NPEPL1: variants seen among roughly 807,000 people sequenced by gnomAD.
NPEPL1 encodes aminopeptidase like 1.
In NPEPL1, 45 loss-of-function variants were observed where a neutral mutation model predicts 52.4. The observed-to-expected ratio is 0.86, with a 90% confidence interval of 0.68 to 1.10. NPEPL1 has a LOEUF of 1.10. Among genes scored for constraint, NPEPL1 ranks in the 50% least tolerant of loss-of-function variants. The pLI is 0.00. For missense variants in NPEPL1, 696 were observed against 710.9 expected, an observed-to-expected ratio of 0.98 and a Z score of 0.24; for synonymous variants, 360 against 314.7, an observed-to-expected ratio of 1.14 and a Z score of -1.52.
intron 6 of NPEPL1, among the ~76,000 whole-genome samples, chr20:58,705,722 C>G (rs899461830): frequency 6.6e-6 from 1 of 152,232 alleles, no homozygotes; most frequent in Non-Finnish European, 1.5e-5. Context: ...CTGGCTCCAC[C>G]TGCAATTGGG....
intron 6 of NPEPL1, 143 bp downstream of exon 6, chr20:58,701,301 G>A (rs1205638377): frequency 5.0e-6 from 1 of 200,746 alleles, no homozygotes; most frequent in Non-Finnish European, 8.1e-6. Context: ...GCTCTCCAGG[G>A]TGCCCTGGGG....
At chr20:58,697,026 G>C (rs1400010817) in intron 3 of NPEPL1, among the ~76,000 whole-genome samples, 1 of 152,202 alleles carries the variant, frequency 6.6e-6, no homozygotes, top group East Asian at 1.9e-4. Flanking sequence ...CCCCACCCAG[G>C]ACCCTGTCCC....
At chr20:58,699,411 C>G in intron 5 of NPEPL1, 133 bp downstream of exon 5, 1 of 719,044 alleles carries the variant, frequency 1.4e-6, no homozygotes, top group Non-Finnish European at 2.3e-6. Context: ...AAGGAATCAG[C>G]CTGTGTCCAA....
At chr20:58,697,117 T>C (rs2084509820) in intron 3 of NPEPL1, among the ~76,000 whole-genome samples, 1 of 152,238 alleles carries the variant, frequency 6.6e-6, no homozygotes, top group Non-Finnish European at 1.5e-5. Context: ...CTTGACTCCC[T>C]TGGACGTCTC....
chr20:58,692,674 C>T, upstream of NPEPL1: 1 of 348,882 alleles, frequency 2.9e-6, no homozygotes, highest in Non-Finnish European at 4.0e-6. This position sits in a 1 kb window ranked among gnomAD's most constrained non-coding sequence, Gnocchi z 5.7. Flanking sequence ...TCGGGCCTGC[C>T]CGGCCGGGCC....
chr20:58,695,977 A>G (rs1472255672), intron 3 of NPEPL1, among the ~76,000 whole-genome samples: 1 of 151,946 alleles, frequency 6.6e-6, no homozygotes, highest in Non-Finnish European at 1.5e-5. Context: ...CATCCCCTTC[A>G]TGGCCTCTCC....
intron 3 of NPEPL1, among the ~76,000 whole-genome samples, chr20:58,695,166 G>A (rs2084453817): frequency 2.4e-5 from 1 of 41,494 alleles, no homozygotes; most frequent in Admixed American, 2.5e-4. Flanking sequence ...TGTGTGGTGT[G>A]TGCATGTGTG....
intron 5 of NPEPL1, among the ~76,000 whole-genome samples, chr20:58,699,952 C>T (rs897568058): frequency 3.3e-5 from 5 of 152,246 alleles, no homozygotes; most frequent in East Asian, 3.9e-4. Context: ...CCTGGTGCAG[C>T]GTCTCTGCCT....
intron 7 of NPEPL1, 22 bp from the exon 8 acceptor site, chr20:58,712,457 C>T (rs1313009700): frequency 1.9e-6 from 3 of 1,568,580 alleles, no homozygotes; most frequent in Non-Finnish European, 2.6e-6. Context: ...CAACTGGAGC[C>T]TCTGCCCACT....
rs2084750360 is a variant in NPEPL1, at chr20:58,707,105, C to T, written c.823-18C>T. The T allele has an allele frequency of 7.1e-6, 11 of 1,550,500 alleles. No individual in the cohort carries two copies. The highest frequency in any genetic ancestry group is 9.6e-6 in the Non-Finnish European group (11 of 1,146,792). ...CTCACAGCTCACCTTTGTCCTGGTC[C>T]CTTTGTACCACCCGCAGACTACCAT... On this transcript the variant is annotated intron_variant, in intron 6 of 11. Coordinates refer to ENST00000356091, the MANE Select transcript of NPEPL1 (RefSeq NM_024663.4).
intron 2 of NPEPL1, 118 bp from the exon 3 acceptor site, chr20:58,694,302 ATC>A (rs1373514647): frequency 1.3e-4 from 134 of 1,037,150 alleles, no homozygotes; most frequent in Non-Finnish European, 2.6e-5. Flanking sequence ...GCTGTGGGAC[ATC>A]TCTGTCTAGA....
rs200631845 is a variant in NPEPL1 at position 58,693,747 on chromosome 20, C to G, written c.161C>G (p.Ala54Gly). Reference sequence around the variant, plus strand: ...TCCCTTCTGATCTAGCTCTGGCAGGCTGCCCTGAGCACGCTCAACCCCAAC... The same window carrying G: ...TCCCTTCTGATCTAGCTCTGGCAGGGTGCCCTGAGCACGCTCAACCCCAAC... ...QPRVTEELWQAALSTLNPNPT... is the reference protein window; with the variant it reads ...QPRVTEELWQGALSTLNPNPT... The change falls in exon 2 of 12, where the codon GCT (alanine) becomes GGT (glycine). Residue 54 changes from alanine to glycine, a missense_variant. Ala to Gly is a moderately conservative substitution (Grantham distance 60, BLOSUM62 0). Coordinates refer to ENST00000356091, the MANE Select transcript of NPEPL1 (RefSeq NM_024663.4). The G allele has an allele frequency of 2.5e-4, 394 of 1,604,952 alleles. No homozygotes were observed. The African/African-American group carries it at 4.6e-3, about 19-fold the overall frequency.
chr20:58,705,390 G>A (rs2084717514), intron 6 of NPEPL1: 2 of 445,422 alleles, frequency 4.5e-6, no homozygotes, highest in Non-Finnish European at 9.1e-6. Context: ...TGAGTCACAC[G>A]GAATATGGAA....
intron 7 of NPEPL1, among the ~76,000 whole-genome samples, chr20:58,708,199 C>G (rs1394582061): frequency 6.6e-6 from 1 of 152,204 alleles, no homozygotes; most frequent in Non-Finnish European, 1.5e-5. Flanking sequence ...AATGGAAAAA[C>G]AAAAAGGCCT....
At position 58,692,960 on chromosome 20, in the gene NPEPL1, G is replaced by T; in HGVS notation, c.60G>T (p.Arg20=). ...ASAGDSDPQS[R]PLLLLGQLHH... Reference sequence around the variant, plus strand: ...CGGGGGACTCGGACCCACAGAGCCGGCCCCTGCTGCTGCTCGGGCAGCTGC... The same window carrying T: ...CGGGGGACTCGGACCCACAGAGCCGTCCCCTGCTGCTGCTCGGGCAGCTGC... The change falls in exon 1 of 12, where the codon CGG becomes CGT. Residue 20 remains arginine (R), a synonymous_variant. Transcript: ENST00000356091. This position sits in a 1 kb window ranked among gnomAD's most constrained non-coding sequence, Gnocchi z 5.7. The T allele has an allele frequency of 8.4e-7, 1 of 1,189,556 alleles. No homozygotes were observed. Among genetic ancestry groups the T allele is most frequent in the Non-Finnish European group, 1.1e-6 (1 of 941,470 alleles). 73.7% of individuals were successfully genotyped at this position (1,189,556 alleles called of 1,614,324 possible).
chr20:58,699,351 G>A lies in NPEPL1; in HGVS notation c.679+73G>A, dbSNP rs774850317. 2.5e-5 allele frequency: 28 copies of A among 1,140,978 alleles called. 1 individual carries two copies. Among genetic ancestry groups the A allele is most frequent in the South Asian group, 7.5e-5 (5 of 67,004 alleles). The allele number at this position is 1,140,978 out of a possible 1,614,324, so 70.7% of individuals were successfully genotyped here. A position where few individuals can be genotyped will look rare whatever the true frequency, so the allele number is the denominator to read the frequency against. On this transcript the variant is annotated intron_variant, in intron 5 of 11. Coordinates refer to ENST00000356091, the MANE Select transcript of NPEPL1 (RefSeq NM_024663.4). ...AGGGGCACTTGGGTGGCAGGGGGTC[G>A]GCGGGCCACATGGCACATTGTCCCA...
chr20:58,713,609 A>C lies in NPEPL1; in HGVS notation c.1125+66A>C. The C allele has an allele frequency of 3.1e-5, 46 of 1,486,870 alleles. No individual in the cohort carries two copies. The highest frequency in any genetic ancestry group is 3.7e-5 in the Non-Finnish European group (41 of 1,114,168). 92.1% of individuals were successfully genotyped at this position (1,486,870 alleles called of 1,614,324 possible). ...GGAACCCCACCCCACTCTTGACCTC[A>C]AGGTGGGGAAGGCAGCGCGTGGGGG... On this transcript the variant is annotated intron_variant, in intron 9 of 11. Coordinates refer to ENST00000356091, the MANE Select transcript of NPEPL1 (RefSeq NM_024663.4). The surrounding 1 kb of genome is among the most constrained non-coding windows in gnomAD (Gnocchi z 4.6).
rs1396559022 is a variant in NPEPL1, at chr20:58,714,032, G to A, written c.1241G>A (p.Cys414Tyr). 3 of 1,538,794 alleles carry A rather than the reference G, an allele frequency of 1.9e-6. No individual in the cohort carries two copies. Among genetic ancestry groups the A allele is most frequent in the Non-Finnish European group, 2.6e-6 (3 of 1,143,820 alleles). ...CGDLVHPLVY[C>Y]PELHFSEFTS... ...GACCTGGTGCACCCGCTGGTCTACT[G>A]CCCCGAGCTGCACTTCAGCGAGTTC... Residue 414 changes from cysteine (C) to tyrosine (Y), a missense_variant, in exon 10 of 12, where the codon TGC (cysteine) becomes TAC (tyrosine). Physicochemically the swap from Cys to Tyr is radical, Grantham distance 194. Transcript: ENST00000356091.
intron 1 of NPEPL1, 67 bp from the exon 2 acceptor site, chr20:58,693,670 G>A (rs2084401374): frequency 6.9e-7 from 1 of 1,452,328 alleles, no homozygotes; most frequent in Admixed American, 1.9e-5. Context: ...GTGGCTGCAG[G>A]GCAGGGCCTC....
Sources: gnomAD v4.1 joint callset for allele counts (sites outside exome capture counted in the v4.1 genomes callset) on GRCh38, gnomAD v4.1.1 for gene constraint, Gnocchi (gnomAD v3.1) non-coding constraint, MANE v1.5 for transcripts, NCBI Gene and HGNC (gene_info 2026-07-23, HGNC 2026-07-21) for gene names.